GBE1: variants seen among roughly 807,000 people sequenced by gnomAD.
GBE1 encodes 1,4-alpha-glucan branching enzyme 1.
Under a neutral mutation model 88.8 loss-of-function variants are expected in GBE1, and 70 were observed. The ratio of observed to expected loss-of-function variants is 0.79; its 90% CI spans 0.65 to 0.96. The LOEUF (loss-of-function observed/expected upper bound fraction) is 0.96. Ranked by LOEUF, GBE1 falls within the 40% of genes least tolerant of loss-of-function variation. The pLI, the probability that GBE1 is intolerant of heterozygous loss-of-function variation, is 0.00. For missense variants in GBE1, 872 were observed against 871.0 expected (o/e 1.00, Z -0.01); for synonymous variants, 284 against 300.1 (o/e 0.95, Z 0.56).
chr3:81,624,010 T>TG (rs1704368640), intron 7 of GBE1, among the ~76,000 whole-genome samples: 1 of 152,118 alleles, frequency 6.6e-6, no homozygotes, highest in African/African-American at 2.4e-5. Context: ...TAGTCCATTT[T>TG]CATACTGCTA....
intron 1 of GBE1, among the ~76,000 whole-genome samples, chr3:81,748,304 T>C (rs1366554760): frequency 1.3e-5 from 2 of 152,170 alleles, no homozygotes; most frequent in Non-Finnish European, 2.9e-5. Context: ...ACTATATACC[T>C]ATTAGTTAAC....
intron 12 of GBE1, among the ~76,000 whole-genome samples, chr3:81,555,164 A>G (rs1039606503): frequency 1.3e-5 from 2 of 152,202 alleles, no homozygotes; most frequent in Non-Finnish European, 2.9e-5. Flanking sequence ...GGTAATGCTG[A>G]TTTTGATTTT....
At chr3:81,574,757 C>G (rs996297548) in intron 12 of GBE1, among the ~76,000 whole-genome samples, 2 of 152,102 alleles carry the variant, frequency 1.3e-5, no homozygotes, top group African/African-American at 2.4e-5. Flanking sequence ...ACGTAGCATG[C>G]CTTATTATTC....
chr3:81,642,838 T>C lies in GBE1; in HGVS notation c.935A>G (p.His312Arg). Residue 312 changes from histidine (H) to arginine (R), a missense_variant, in exon 7 of 16, where the codon CAT becomes CGT. Transcript: ENST00000429644. ...ATCATGAGTCCCTCTAGGTCCAGAA[T>C]GAAAATAACAGGAATCTGTCCCATC... ...MFDGTDSCYF[H>R]SGPRGTHDLW... The C allele has an allele frequency of 1.9e-6, 3 of 1,613,424 alleles. No individual in the cohort carries two copies. The highest frequency in any genetic ancestry group is 2.5e-6 in the Non-Finnish European group (3 of 1,179,496).
At chr3:81,627,387 C>G (rs901878221) in intron 7 of GBE1, among the ~76,000 whole-genome samples, 3 of 152,144 alleles carry the variant, frequency 2.0e-5, no homozygotes, top group Non-Finnish European at 4.4e-5. Context: ...CCTGCTGAAA[C>G]TTTTATTATT....
intron 14 of GBE1, among the ~76,000 whole-genome samples, chr3:81,510,457 T>C (rs931936450): frequency 2.0e-5 from 3 of 152,104 alleles, no homozygotes; most frequent in African/African-American, 7.2e-5. Flanking sequence ...GGGGCTAAAC[T>C]AGTGTCCCAT....
chr3:81,537,852 T>C (rs897166115), intron 12 of GBE1, among the ~76,000 whole-genome samples: 1 of 151,938 alleles, frequency 6.6e-6, no homozygotes, highest in African/African-American at 2.4e-5. Context: ...TGGCTGGGGA[T>C]CTATATAATA....
intron 7 of GBE1, among the ~76,000 whole-genome samples, chr3:81,627,461 AAC>A (rs1704434055): frequency 1.3e-5 from 2 of 152,148 alleles, no homozygotes; most frequent in East Asian, 1.9e-4. Flanking sequence ...GGTATAATAA[AAC>A]ACATACTCAC....
intron 1 of GBE1, among the ~76,000 whole-genome samples, chr3:81,734,834 G>A (rs1706238235): frequency 6.6e-6 from 1 of 152,158 alleles, no homozygotes; most frequent in Non-Finnish European, 1.5e-5. Context: ...ACTTTCTGTA[G>A]TTTTAGTTAC....
At chr3:81,717,551 A>G (rs1005093295) in intron 1 of GBE1, among the ~76,000 whole-genome samples, 1 of 152,174 alleles carries the variant, frequency 6.6e-6, no homozygotes, top group Non-Finnish European at 1.5e-5. Context: ...ACTGTCAAAA[A>G]TGCTATCCTC....
chr3:81,562,288 C>A (rs974776381), intron 12 of GBE1, among the ~76,000 whole-genome samples: 2 of 152,054 alleles, frequency 1.3e-5, no homozygotes, highest in Admixed American at 1.3e-4. Flanking sequence ...GTTTGATAGA[C>A]CACAGTACAA....
chr3:81,509,906 T>C (rs985085496), intron 14 of GBE1, among the ~76,000 whole-genome samples: 1 of 151,988 alleles, frequency 6.6e-6, no homozygotes, highest in East Asian at 1.9e-4. Context: ...AATATAAAAA[T>C]CCTTCATTTT....
intron 14 of GBE1, among the ~76,000 whole-genome samples, chr3:81,534,300 T>C (rs1232928175): frequency 3.3e-5 from 5 of 152,050 alleles, no homozygotes; most frequent in African/African-American, 4.8e-5. Context: ...CTAATATTTA[T>C]CTTCTTTACT....
chr3:81,578,143 A>T lies in GBE1; in HGVS notation c.1447-47T>A, dbSNP rs760465677. ...AGATAAATGAAAAAAAAAAGTGCTAAGTAGTTGTGATTTACAATAGAACAA... is the reference window on the plus strand; with the variant it reads ...AGATAAATGAAAAAAAAAAGTGCTATGTAGTTGTGATTTACAATAGAACAA... On this transcript the variant is annotated intron_variant, in intron 11 of 15. Coordinates refer to ENST00000429644, the MANE Select transcript of GBE1 (RefSeq NM_000158.4). 5.0e-6 allele frequency: 7 copies of T among 1,399,908 alleles called. No homozygotes were observed. The African/African-American group carries it at 8.8e-5, about 18-fold the overall frequency. 86.7% of individuals were successfully genotyped at this position (1,399,908 alleles called of 1,614,324 possible). A position where few individuals can be genotyped will look rare whatever the true frequency, so the allele number is the denominator to read the frequency against.
chr3:81,595,711 A>T (rs1703947023), intron 7 of GBE1, among the ~76,000 whole-genome samples: 1 of 151,978 alleles, frequency 6.6e-6, no homozygotes, highest in Admixed American at 6.6e-5. Context: ...CACTAAAGTC[A>T]AAGGTAATGC....
chr3:81,742,712 T>A (rs1706365535), intron 1 of GBE1, among the ~76,000 whole-genome samples: 2 of 152,068 alleles, frequency 1.3e-5, no homozygotes, highest in African/African-American at 4.8e-5. Context: ...TGTTCTGAAA[T>A]AGAAAGCATG....
intron 7 of GBE1, among the ~76,000 whole-genome samples, chr3:81,637,328 G>C (rs952201640): frequency 6.6e-6 from 1 of 152,118 alleles, no homozygotes. Flanking sequence ...CTTATTTCTG[G>C]AATTTTCCAT....
chr3:81,680,941 C>G (rs142071639), intron 2 of GBE1, among the ~76,000 whole-genome samples: 8 of 152,332 alleles, frequency 5.3e-5, no homozygotes, highest in African/African-American at 1.9e-4. Context: ...AAGAAATAAA[C>G]GTCTGTTGTT....
chr3:81,598,006 T>C (rs967192575), intron 7 of GBE1, among the ~76,000 whole-genome samples: 11 of 151,912 alleles, frequency 7.2e-5, no homozygotes, highest in Admixed American at 1.3e-4. Flanking sequence ...TAATGAAACA[T>C]AGACAAATTT....
Sources: allele counts gnomAD v4.1 joint callset (sites outside exome capture counted in the v4.1 genomes callset), GRCh38; gene constraint gnomAD v4.1.1; transcripts MANE v1.5; gene names NCBI Gene and HGNC (gene_info 2026-07-23, HGNC 2026-07-21).